Variants in EBPL observed in about 807,000 individuals in gnomAD.
The protein encoded by EBPL is EBP like.
In EBPL, 20 loss-of-function variants were observed where a neutral mutation model predicts 19.0. That is an observed-to-expected ratio of 1.05 (90% CI 0.74 to 1.53). EBPL has a LOEUF of 1.53. Among genes scored for constraint, EBPL ranks in the 40% most tolerant of loss-of-function variants. The pLI is 0.00. For missense variants in EBPL, 219 were observed against 261.1 expected (o/e 0.84, Z 1.11); for synonymous variants, 107 against 117.0 (o/e 0.91, Z 0.55).
chr13:49,673,231 C>T (rs1290899313), intron 1 of EBPL, among the ~76,000 whole-genome samples: 1 of 152,182 alleles, frequency 6.6e-6, no homozygotes, highest in Non-Finnish European at 1.5e-5. Context: ...CAGAGTTTGG[C>T]AGTTTCTTCT....
chr13:49,661,799 G>C (rs1442125635), intron 3 of EBPL: 1 of 1,529,324 alleles, frequency 6.5e-7, no homozygotes, highest in African/African-American at 1.4e-5. Flanking sequence ...AATTGGGTGG[G>C]GAAGGAAGCT....
chr13:49,676,018 C>T (rs141907719), intron 1 of EBPL, among the ~76,000 whole-genome samples: 1,603 of 152,174 alleles, frequency 0.011, 14 homozygotes, highest in Non-Finnish European at 0.017. Flanking sequence ...GGAGGAATTT[C>T]TATTCAAATC....
intron 1 of EBPL, among the ~76,000 whole-genome samples, chr13:49,683,176 T>C (rs1268380372): frequency 2.0e-5 from 3 of 151,932 alleles, no homozygotes; most frequent in African/African-American, 4.8e-5. Flanking sequence ...GGTTTCATCA[T>C]GTTGGCCAGG....
Position 49,661,121 on chromosome 13 carries a change from G to T in EBPL, c.468C>A (p.Asn156Lys), listed in dbSNP as rs768948494. 1.2e-6 allele frequency: 2 copies of T among 1,614,168 alleles called. No homozygotes were observed. Among genetic ancestry groups the T allele is most frequent in the Non-Finnish European group, 1.7e-6 (2 of 1,180,028 alleles). ...AGTACAGCCAGTTGCTGGTGTTGAG[G>T]TTGGGGCTTCTGGTGAGCCACTCTG... ...FLPEWLTRSP[N>K]LNTSNWLYCW... The change falls in exon 4 of 4, where the codon AAC (asparagine) becomes AAA (lysine). Residue 156 changes from asparagine (N) to lysine (K), a missense_variant. By Grantham distance (94) the Asn-to-Lys change is moderately conservative (BLOSUM62 0). Coordinates refer to ENST00000242827, the MANE Select transcript of EBPL (RefSeq NM_032565.5).
intron 2 of EBPL, among the ~76,000 whole-genome samples, chr13:49,667,264 A>G (rs1157079725): frequency 6.6e-6 from 1 of 152,212 alleles, no homozygotes; most frequent in Non-Finnish European, 1.5e-5. Context: ...AGCATTAAAA[A>G]GCCTGACGAT....
chr13:49,691,033 G>T (rs1318046553), intron 1 of EBPL, among the ~76,000 whole-genome samples: 1 of 152,218 alleles, frequency 6.6e-6, no homozygotes, highest in African/African-American at 2.4e-5. Context: ...TTTGGTGGAG[G>T]AATCGGCAGC....
At chr13:49,676,698 A>G (rs576782532) in intron 1 of EBPL, among the ~76,000 whole-genome samples, 59 of 152,208 alleles carry the variant, frequency 3.9e-4, no homozygotes, top group South Asian at 2.1e-4. Context: ...CTTATCACTC[A>G]CCAGACTGCA....
intron 1 of EBPL, among the ~76,000 whole-genome samples, chr13:49,679,276 G>T (rs1400592292): frequency 1.3e-5 from 2 of 152,118 alleles, no homozygotes; most frequent in Non-Finnish European, 2.9e-5. Context: ...AATAAACATG[G>T]AAGGTTATCA....
chr13:49,661,744 G>A (rs1258873080), intron 3 of EBPL: 19 of 1,470,546 alleles, frequency 1.3e-5, no homozygotes, highest in Admixed American at 4.9e-5. Context: ...AATACGTCAA[G>A]GTACCAAGGA....
chr13:49,672,944 C>T (rs1479822114), intron 1 of EBPL, among the ~76,000 whole-genome samples: 6 of 152,088 alleles, frequency 3.9e-5, no homozygotes, highest in Non-Finnish European at 8.8e-5. Context: ...CCTGGAGTCC[C>T]GGCTACTTAG....
chr13:49,690,523 A>G (rs1273400147), intron 1 of EBPL, among the ~76,000 whole-genome samples: 1 of 151,890 alleles, frequency 6.6e-6, no homozygotes, highest in East Asian at 1.9e-4. Context: ...GGGGCATTTC[A>G]ATATAAATGC....
chr13:49,688,948 GAC>G (rs778099829), intron 1 of EBPL, among the ~76,000 whole-genome samples: 2 of 152,156 alleles, frequency 1.3e-5, no homozygotes, highest in Non-Finnish European at 2.9e-5. Flanking sequence ...TGATCTCTGA[GAC>G]ACATGTACAA....
chr13:49,679,883 CTA>C (rs67105374), intron 1 of EBPL, among the ~76,000 whole-genome samples: 1 of 144,308 alleles, frequency 6.9e-6, no homozygotes, highest in South Asian at 2.2e-4. Flanking sequence ...TAGAGTCAAG[CTA>C]TATATATATA....
rs1555300729 is a variant in EBPL, at chr13:49,673,960, A to AATAC, written c.172-4118_172-4115dup. On this transcript the variant is annotated intron_variant, in intron 1 of 3. Transcript: ENST00000242827. ...CAGTTGATACAATTATATGGAACTT[A>AATAC]ATACACACACACACACACACACACA... is the stretch of plus-strand genomic sequence containing the variant. Among the ~76,000 whole-genome samples, 89 of 33,466 alleles carry AATAC rather than the reference A, an allele frequency of 2.7e-3. 1 individual carries two copies. Among genetic ancestry groups the AATAC allele is most frequent in the African/African-American group, 6.0e-3 (81 of 13,550 alleles). The allele number at this position is 33,466 out of a possible 152,430, so 22.0% of individuals were successfully genotyped here.
rs907518061 is a variant in EBPL, at chr13:49,666,855, C to T, written c.241+2922G>A. Reference sequence around the variant, plus strand: ...AGTGAACTGACATTGCGCCACTGCACTCCAGCCTGGGAGACAGAGCGAGAC... The same window carrying T: ...AGTGAACTGACATTGCGCCACTGCATTCCAGCCTGGGAGACAGAGCGAGAC... On this transcript the variant is annotated intron_variant, in intron 2 of 3. Coordinates refer to ENST00000242827, the MANE Select transcript of EBPL (RefSeq NM_032565.5). Among the ~76,000 whole-genome samples, 14 of 149,900 alleles carry T rather than the reference C, an allele frequency of 9.3e-5. No homozygotes were observed. In the East Asian group the frequency reaches 2.8e-3, roughly 29 times the overall value.
chr13:49,673,488 A>T (rs1218626077), intron 1 of EBPL, among the ~76,000 whole-genome samples: 1 of 152,226 alleles, frequency 6.6e-6, no homozygotes, highest in Non-Finnish European at 1.5e-5. Flanking sequence ...CCCAGGCAGG[A>T]GTGCAGTGGC....
At chr13:49,691,487 G>T, upstream of EBPL, 1 of 1,252,518 alleles carries the variant, frequency 8.0e-7, no homozygotes, top group Non-Finnish European at 1.0e-6. Context: ...GGAGAGAAAC[G>T]ACGGGGCGGG....
At chr13:49,680,193 C>T (rs1336324309) in intron 1 of EBPL, among the ~76,000 whole-genome samples, 11 of 152,140 alleles carry the variant, frequency 7.2e-5, no homozygotes, top group African/African-American at 2.2e-4. Context: ...AAGCTCACAG[C>T]GACCACCAGG....
intron 1 of EBPL, chr13:49,686,369 A>C: frequency 8.6e-7 from 1 of 1,157,780 alleles, no homozygotes; most frequent in Non-Finnish European, 1.1e-6. Flanking sequence ...GCTTTCATCT[A>C]CTGCCCAGCT....
Sources: allele counts gnomAD v4.1 joint callset (sites outside exome capture counted in the v4.1 genomes callset), GRCh38; gene constraint gnomAD v4.1.1; transcripts MANE v1.5; gene names NCBI Gene and HGNC (gene_info 2026-07-23, HGNC 2026-07-21).